Variants in SAP130 observed in about 807,000 individuals in gnomAD.
The protein encoded by SAP130 is Sin3A associated protein 130, also known as histone deacetylase complex subunit SAP130.
A neutral mutation model predicts 103.2 loss-of-function variants in SAP130; 16 were observed. The ratio of observed to expected loss-of-function variants is 0.16; its 90% CI spans 0.10 to 0.24. The LOEUF (loss-of-function observed/expected upper bound fraction) is 0.24, where lower values mean the gene tolerates loss of function less well. Among genes scored for constraint, SAP130 ranks in the 10% least tolerant of loss-of-function variants. The probability of loss-of-function intolerance (pLI) is 1.00; values close to 1 mark genes in which losing one functional copy is unlikely to be tolerated. For synonymous variants in SAP130, 477 were observed against 497.0 expected (o/e 0.96, Z 0.53); for missense variants, 990 against 1,359.7 (o/e 0.73, Z 4.28).
At chr2:127,962,757 T>C (rs1223845762) in intron 15 of SAP130, among the ~76,000 whole-genome samples, 1 of 151,742 alleles carries the variant, frequency 6.6e-6, no homozygotes, top group Admixed American at 6.6e-5. Flanking sequence ...AGGGATAGCA[T>C]TAGGAGATAT....
chr2:127,952,687 T>A (rs1483683715), intron 16 of SAP130, among the ~76,000 whole-genome samples: 1 of 152,146 alleles, frequency 6.6e-6, no homozygotes, highest in Non-Finnish European at 1.5e-5. Flanking sequence ...TCAGACCTCA[T>A]CTTCCTTGAT....
At chr2:127,976,151 T>C (rs866095982) in intron 15 of SAP130, among the ~76,000 whole-genome samples, 5 of 152,234 alleles carry the variant, frequency 3.3e-5, no homozygotes, top group Admixed American at 6.5e-5. Flanking sequence ...CGGCTGGTCA[T>C]TTTTATGTTA....
chr2:127,974,572 G>C (rs1377199860), intron 15 of SAP130, among the ~76,000 whole-genome samples: 1 of 152,166 alleles, frequency 6.6e-6, no homozygotes, highest in Non-Finnish European at 1.5e-5. Flanking sequence ...CCAGCACTTG[G>C]GGAGGCCGAG....
chr2:127,998,889 C>T (rs1683353261), intron 10 of SAP130, among the ~76,000 whole-genome samples: 1 of 152,176 alleles, frequency 6.6e-6, no homozygotes, highest in African/African-American at 2.4e-5. Flanking sequence ...TTGGCTCTGC[C>T]GTGATAGCAC....
chr2:128,016,579 A>G, intron 3 of SAP130, 32 bp from the exon 4 acceptor site: 1 of 1,591,364 alleles, frequency 6.3e-7, no homozygotes, highest in Non-Finnish European at 8.6e-7. Context: ...AAACATATCA[A>G]TGGCCTCATA....
chr2:127,987,699 C>G (rs1254705786), intron 13 of SAP130, among the ~76,000 whole-genome samples: 1 of 152,140 alleles, frequency 6.6e-6, no homozygotes, highest in African/African-American at 2.4e-5. Flanking sequence ...ATAGAAAACA[C>G]TATCTACCAG....
chr2:127,993,351 T>G, intron 11 of SAP130, 43 bp from the exon 12 acceptor site: 1 of 1,560,030 alleles, frequency 6.4e-7, no homozygotes, highest in Non-Finnish European at 8.7e-7. Context: ...AGTCATTTTC[T>G]TCTTTACTTT....
chr2:127,960,215 G>A (rs1332927188), intron 15 of SAP130, among the ~76,000 whole-genome samples: 2 of 152,146 alleles, frequency 1.3e-5, no homozygotes, highest in African/African-American at 2.4e-5. Context: ...TACTGAAGAG[G>A]TGCTCTTACA....
chr2:127,963,096 T>C (rs1480975381), intron 15 of SAP130, among the ~76,000 whole-genome samples: 1 of 152,248 alleles, frequency 6.6e-6, no homozygotes, highest in Non-Finnish European at 1.5e-5. Flanking sequence ...TTATATACTA[T>C]GAAGATTAGC....
intron 1 of SAP130, chr2:128,027,032 T>G: frequency 1.5e-6 from 2 of 1,336,770 alleles, no homozygotes; most frequent in Non-Finnish European, 2.0e-6. Flanking sequence ...GTCTCCGGGG[T>G]GGGGGTGCGG....
In SAP130 at chr2:127,968,090, G is replaced by A. The variant is rs370315444; in HGVS notation, c.2063+9895C>T. On this transcript the variant is annotated intron_variant, in intron 15 of 20. Coordinates refer to ENST00000643581, the MANE Select transcript of SAP130 (RefSeq NM_001330301.2). ...CTTAAACTTTTGGCGTCTTCATAAT[G>A]TAACAGCTATAGTAAAGCATTTTTT... Among the ~76,000 whole-genome samples, 149 of 151,146 alleles carry A rather than the reference G, an allele frequency of 9.9e-4. 4 individuals are homozygous for A. In the South Asian group the frequency reaches 0.03, roughly 30 times the overall value.
intron 15 of SAP130, among the ~76,000 whole-genome samples, chr2:127,970,201 C>T (rs1413181512): frequency 6.4e-5 from 9 of 139,808 alleles, no homozygotes; most frequent in African/African-American, 1.9e-4. Context: ...GCACTCCAGC[C>T]TGGGTGGGAG....
At chr2:128,025,794 A>G (rs1685461491) in intron 2 of SAP130, among the ~76,000 whole-genome samples, 1 of 152,160 alleles carries the variant, frequency 6.6e-6, no homozygotes, top group Non-Finnish European at 1.5e-5. Flanking sequence ...ACCATAGGGA[A>G]ACCGCATATC....
At position 127,945,458 on chromosome 2, in the gene SAP130, G is replaced by A. The variant is rs1186469377; in HGVS notation, c.2899C>T (p.Leu967=). The change falls in exon 19 of 21, where the codon CTG becomes TTG. Residue 967 remains leucine (L), a splice_region_variant and synonymous_variant. Transcript: ENST00000643581. ...ACAACTGCTAGAACTCCACCTACCA[G>A]CTGTAGTAACTGGGCAGCACAGAGG... ...VHLCAAQLLQ[L]TNLEHDVYER... 1.3e-6 allele frequency: 2 copies of A among 1,583,322 alleles called. No homozygotes were observed. Among genetic ancestry groups the A allele is most frequent in the Non-Finnish European group, 1.7e-6 (2 of 1,151,876 alleles).
At chr2:128,016,201 T>A (rs1341458615) in intron 4 of SAP130, among the ~76,000 whole-genome samples, 188 bp downstream of exon 4, 1 of 152,122 alleles carries the variant, frequency 6.6e-6, no homozygotes, top group African/African-American at 2.4e-5. Context: ...ATGACCACTA[T>A]GGACACTGGC....
intron 1 of SAP130, among the ~76,000 whole-genome samples, chr2:128,027,572 G>A (rs1685613814): frequency 6.6e-6 from 1 of 151,388 alleles, no homozygotes; most frequent in Non-Finnish European, 1.5e-5. Flanking sequence ...GCAGGGCCCG[G>A]ATGTGGAGAG....
intron 14 of SAP130, among the ~76,000 whole-genome samples, chr2:127,978,717 TG>T (rs1681650188): frequency 6.6e-6 from 1 of 152,188 alleles, no homozygotes; most frequent in South Asian, 2.1e-4. Context: ...TAATCACTAA[TG>T]GATCCAGGTA....
intron 15 of SAP130, among the ~76,000 whole-genome samples, chr2:127,958,635 TGAGAGAGAGAGAGAGAGAGAGAGAGAGA>T (rs372337440): frequency 9.4e-5 from 12 of 127,638 alleles, no homozygotes; most frequent in East Asian, 4.9e-4. Flanking sequence ...GTGAGACAGA[TGAGAGAGAGAGAGAGAGAGAGAGAGAGA>T]GAGAGAGAGA....
At chr2:127,947,632 A>G (rs767577231) in intron 18 of SAP130, among the ~76,000 whole-genome samples, 1 of 152,228 alleles carries the variant, frequency 6.6e-6, no homozygotes, top group Non-Finnish European at 1.5e-5. Flanking sequence ...TCTTATCAGT[A>G]TGTAATATCC....
Sources: gnomAD v4.1 joint callset for allele counts (sites outside exome capture counted in the v4.1 genomes callset) on GRCh38, gnomAD v4.1.1 for gene constraint, MANE v1.5 for transcripts, NCBI Gene and HGNC (gene_info 2026-07-23, HGNC 2026-07-21) for gene names.